C1orf159: variants seen among roughly 807,000 people sequenced by gnomAD.
C1orf159 encodes the protein chromosome 1 open reading frame 159.
C1orf159 carries 19 observed loss-of-function variants against 25.6 expected under a neutral mutation model. The observed-to-expected ratio is 0.74, with a 90% CI of 0.52 to 1.09. The LOEUF (loss-of-function observed/expected upper bound fraction) is 1.09, where lower values mean the gene tolerates loss of function less well. Among genes scored for constraint, C1orf159 ranks in the 50% least tolerant of loss-of-function variants. C1orf159 has a pLI of 0.00. For synonymous variants in C1orf159, 139 were observed against 124.7 expected, an observed-to-expected ratio of 1.12 and a Z score of -0.77; for missense variants, 274 against 290.6, an observed-to-expected ratio of 0.94 and a Z score of 0.42.
In C1orf159 at chr1:1,085,930, G is replaced by A. The variant is rs1333389009; in HGVS notation, c.393C>T (p.Phe131=). Residue 131 remains phenylalanine (F), a synonymous_variant, in exon 7 of 10, where the codon TTC becomes TTT. Coordinates refer to ENST00000421241, the MANE Select transcript of C1orf159 (RefSeq NM_017891.5). The part of the protein sequence containing the change: ...SGLILSVAGF[F]YLKRSSKLPR... Reference sequence around the variant, plus strand: ...GGAGTTTACTGGAGCGCTTGAGGTAGAAGAACCCAGCTACGGAGAGGATGA... The same window carrying A: ...GGAGTTTACTGGAGCGCTTGAGGTAAAAGAACCCAGCTACGGAGAGGATGA... 1.9e-6 allele frequency: 3 copies of A among 1,613,432 alleles called. No homozygotes were observed. The highest frequency in any genetic ancestry group is 1.7e-6 in the Non-Finnish European group (2 of 1,179,828).
chr1:1,108,599 G>A (rs1198598792), intron 1 of C1orf159, among the ~76,000 whole-genome samples: 5 of 102,990 alleles, frequency 4.9e-5, no homozygotes, highest in African/African-American at 1.4e-4. Context: ...ACCATGTCTC[G>A]GCACCGTTCA....
intron 1 of C1orf159, among the ~76,000 whole-genome samples, chr1:1,099,461 G>A (rs1390942419): frequency 4.2e-3 from 560 of 132,132 alleles, no homozygotes; most frequent in African/African-American, 0.011. Flanking sequence ...TTGGTCGATT[G>A]TTCTAAGAAT....
At chr1:1,103,588 G>A (rs763473747) in intron 1 of C1orf159, among the ~76,000 whole-genome samples, 2 of 151,628 alleles carry the variant, frequency 1.3e-5, no homozygotes, top group Non-Finnish European at 2.9e-5. Flanking sequence ...TCAGGGGTCT[G>A]CCAGAAACGA....
chr1:1,091,774 G>A, intron 2 of C1orf159: 1 of 288,444 alleles, frequency 3.5e-6, no homozygotes, highest in Middle Eastern at 1.3e-3. Flanking sequence ...GGGCCAAATG[G>A]AAGTGGGCGG....
chr1:1,103,339 C>T (rs1646128355), intron 1 of C1orf159, among the ~76,000 whole-genome samples: 1 of 152,230 alleles, frequency 6.6e-6, no homozygotes. Context: ...TGTTGTCTTT[C>T]CCTTCGAGAA....
chr1:1,082,955 GCCGCTC>G lies in C1orf159; in HGVS notation c.529_534del (p.Glu177_Arg178del), dbSNP rs1645768347. 1 of 1,602,582 alleles carries G rather than the reference GCCGCTC, an allele frequency of 6.2e-7. No homozygotes were observed. The highest frequency in any genetic ancestry group is 1.3e-5 in the African/African-American group (1 of 74,758). ...GCGGGATCCGTGGCCCTGTCCAGGG[GCCGCTC>G]CCGCCTGACGTAGCGCGGCTTCCGT... On this transcript the variant is annotated inframe_deletion, in exon 10 of 10. Coordinates refer to ENST00000421241, the MANE Select transcript of C1orf159 (RefSeq NM_017891.5).
chr1:1,107,823 C>G (rs1353354254), intron 1 of C1orf159, among the ~76,000 whole-genome samples: 1 of 152,176 alleles, frequency 6.6e-6, no homozygotes, highest in Non-Finnish European at 1.5e-5. Context: ...TGGGTCTGCA[C>G]TGCCTTTATG....
In C1orf159 at chr1:1,089,084, C is replaced by G. The variant is rs762166206; in HGVS notation, c.148+1269G>C. ...CACTGTCCCCAGAAGTGCCCGCTGC[C>G]TCCCCGAGCGGAGACGTGACCTGGC... On this transcript the variant is annotated intron_variant, in intron 4 of 9. Transcript: ENST00000421241. The surrounding 1 kb of genome is among the most constrained non-coding windows in gnomAD (Gnocchi z 7.5). Among the ~76,000 whole-genome samples the G allele has an allele frequency of 1.8e-4, 28 of 152,200 alleles. No homozygotes were observed. The highest frequency in any genetic ancestry group is 4.6e-4 in the Admixed American group (7 of 15,282).
chr1:1,107,294 G>A (rs1049648933), intron 1 of C1orf159, among the ~76,000 whole-genome samples: 1 of 152,202 alleles, frequency 6.6e-6, no homozygotes, highest in African/African-American at 2.4e-5. Context: ...TCAGCACTCC[G>A]TGTCTAGCTC....
At chr1:1,099,668 G>A (rs1254098387) in intron 1 of C1orf159, among the ~76,000 whole-genome samples, 86 of 116,704 alleles carry the variant, frequency 7.4e-4, no homozygotes, top group African/African-American at 1.9e-3. Flanking sequence ...ATTGTGGATT[G>A]TCTGCTGATG....
intron 3 of C1orf159, 31 bp from the exon 4 acceptor site, chr1:1,090,459 A>G (rs771806426): frequency 6.5e-7 from 1 of 1,548,802 alleles, no homozygotes. Flanking sequence ...AAACTCCAGG[A>G]CGCGCCTGCC....
At position 1,089,534 on chromosome 1, in the gene C1orf159, G is replaced by A. The variant is rs529115505; in HGVS notation, c.148+819C>T. Among the ~76,000 whole-genome samples the A allele has an allele frequency of 1.4e-3, 214 of 151,920 alleles. 1 individual carries two copies. The highest frequency in any genetic ancestry group is 4.9e-3 in the African/African-American group (203 of 41,428). ...TTCCTGTGGGCTCCCCAACCCCCAC[G>A]CCCAGCCTCGGACCCCCGCGCCCAG... On this transcript the variant is annotated intron_variant, in intron 4 of 9. Transcript: ENST00000421241. This position sits in a 1 kb window ranked among gnomAD's most constrained non-coding sequence, Gnocchi z 7.5.
rs1557436479 is a variant in C1orf159 at position 1,108,845 on chromosome 1, TCGGCACCATCCACCACGGCCACCA to T, written c.-136+7191_-136+7214del. Among the ~76,000 whole-genome samples the T allele has an allele frequency of 1.6e-3, 152 of 94,248 alleles. 3 individuals carry two copies. The highest frequency in any genetic ancestry group is 2.8e-3 in the African/African-American group (43 of 15,392). 61.8% of individuals were successfully genotyped at this position (94,248 alleles called of 152,430 possible). On this transcript the variant is annotated intron_variant, in intron 1 of 9. Transcript: ENST00000421241. ...CATTGTTCACCACAGCCACCATGTC[TCGGCACCATCCACCACGGCCACCA>T]TGTCTCAGCAGCACCGTCCACCACA...
intron 1 of C1orf159, among the ~76,000 whole-genome samples, chr1:1,103,909 T>G (rs1646136578): frequency 6.6e-6 from 1 of 152,096 alleles, no homozygotes; most frequent in African/African-American, 2.4e-5. Context: ...CTCAAATGCC[T>G]GGCCTCAAGC....
chr1:1,083,250 G>GCGAT, intron 9 of C1orf159: 1 of 457,784 alleles, frequency 2.2e-6, no homozygotes. Flanking sequence ...CAAGGGCCAG[G>GCGAT]CGATCCCCGA....
At chr1:1,107,026 T>C (rs1557434856) in intron 1 of C1orf159, among the ~76,000 whole-genome samples, 1 of 152,162 alleles carries the variant, frequency 6.6e-6, no homozygotes, top group Non-Finnish European at 1.5e-5. Context: ...CAGCCTGCCA[T>C]GCCCGAGGCC....
At chr1:1,083,074 G>A (rs545033108) in intron 9 of C1orf159, 87 bp from the exon 10 acceptor site, 3 of 1,173,116 alleles carry the variant, frequency 2.6e-6, no homozygotes, top group South Asian at 1.5e-5. Context: ...GAGGCTCTCG[G>A]GAGTGGGCAT....
intron 3 of C1orf159, 121 bp downstream of exon 3, chr1:1,091,351 C>G: frequency 1.0e-6 from 1 of 996,856 alleles, no homozygotes; most frequent in South Asian, 1.4e-5. Context: ...TGGTCAGCAC[C>G]TCTGGGGCTG....
intron 1 of C1orf159, among the ~76,000 whole-genome samples, chr1:1,096,463 C>T (rs920471958): frequency 2.6e-5 from 4 of 151,968 alleles, no homozygotes; most frequent in African/African-American, 7.3e-5. Flanking sequence ...CCACAGCACC[C>T]GTTCCCCCTC....
Sources: allele counts gnomAD v4.1 joint callset (sites outside exome capture counted in the v4.1 genomes callset), GRCh38; gene constraint gnomAD v4.1.1; non-coding constraint Gnocchi (gnomAD v3.1); transcripts MANE v1.5; gene names NCBI Gene and HGNC (gene_info 2026-07-23, HGNC 2026-07-21).